SYNGR1: variants seen among roughly 807,000 people sequenced by gnomAD.
SYNGR1 encodes the protein synaptogyrin 1, also known as synaptogyrin-1.
Under a neutral mutation model 26.1 loss-of-function variants are expected in SYNGR1, and 14 were observed. The observed-to-expected ratio is 0.54, with a 90% CI of 0.35 to 0.84. The LOEUF is 0.84. Ranked by LOEUF, SYNGR1 falls within the 40% of genes least tolerant of loss-of-function variation. The probability of loss-of-function intolerance (pLI) is 0.01; values close to 1 mark genes in which losing one functional copy is unlikely to be tolerated. For missense variants in SYNGR1, 319 were observed against 332.9 expected (o/e 0.96, Z 0.33); for synonymous variants, 141 against 150.1 (o/e 0.94, Z 0.44).
chr22:39,380,393 G>A (rs898059023), intron 3 of SYNGR1, among the ~76,000 whole-genome samples: 7 of 152,024 alleles, frequency 4.6e-5, no homozygotes, highest in African/African-American at 1.2e-4. Context: ...AGAGGTCTTC[G>A]GTGACCCAGG....
chr22:39,351,250 C>T (rs1415052446), intron 1 of SYNGR1, among the ~76,000 whole-genome samples: 5 of 152,188 alleles, frequency 3.3e-5, no homozygotes, highest in African/African-American at 1.2e-4. Context: ...TACCCCAAGG[C>T]CAGCTGTGAC....
At position 39,384,137 on chromosome 22, in the gene SYNGR1, C is replaced by G. The variant is rs959939747; in HGVS notation, c.*2223C>G. On this transcript the variant is annotated 3_prime_UTR_variant, in exon 4 of 4. Coordinates refer to ENST00000328933, the MANE Select transcript of SYNGR1 (RefSeq NM_004711.5). Reference sequence around the variant, plus strand: ...TTTATGGCAGAGTGAAGTTCTGTGCCCACCACAAGAGGCTGTGAGATGTTC... The same window carrying G: ...TTTATGGCAGAGTGAAGTTCTGTGCGCACCACAAGAGGCTGTGAGATGTTC... 3 of 174,784 alleles carry G rather than the reference C, an allele frequency of 1.7e-5. No individual in the cohort carries two copies. The highest frequency in any genetic ancestry group is 3.6e-5 in the Non-Finnish European group (3 of 83,512). The allele number at this position is 174,784 out of a possible 1,614,324, so 10.8% of individuals were successfully genotyped here.
chr22:39,384,435 C>T lies in SYNGR1; in HGVS notation c.*2521C>T. The T allele has an allele frequency of 2.5e-6, 1 of 398,160 alleles. No homozygotes were observed. The highest frequency in any genetic ancestry group is 4.4e-6 in the Non-Finnish European group (1 of 226,060). 24.7% of individuals were successfully genotyped at this position (398,160 alleles called of 1,614,324 possible). On this transcript the variant is annotated 3_prime_UTR_variant, in exon 4 of 4. Transcript: ENST00000328933. ...TCCCTCACTCTTCCCGGGTTCAGCC[C>T]AGAAGCCCTTCCAGGCATGATCTTC...
Position 39,385,337 on chromosome 22 carries a change from A to C in SYNGR1, c.*3423A>C, listed in dbSNP as rs941404608. On this transcript the variant is annotated 3_prime_UTR_variant, in exon 4 of 4. Transcript: ENST00000328933. ...GTATAAATATATATATTTTCTATAT[A>C]TAAGATGTATAATATAAGGCTCCAC... is the stretch of plus-strand genomic sequence containing the variant. 1 of 160,618 alleles carries C rather than the reference A, an allele frequency of 6.2e-6. No individual in the cohort carries two copies. The allele number at this position is 160,618 out of a possible 1,614,324, so 9.9% of individuals were successfully genotyped here.
Position 39,382,724 on chromosome 22 carries a change from TGG to T in SYNGR1, c.*813_*814del, listed in dbSNP as rs1437987959. 6.5e-6 allele frequency: 1 copy of T among 152,854 alleles called. No homozygotes were observed. Among genetic ancestry groups the T allele is most frequent in the Non-Finnish European group, 1.5e-5 (1 of 68,546 alleles). The allele number at this position is 152,854 out of a possible 1,614,324, so 9.5% of individuals were successfully genotyped here. A position where few individuals can be genotyped will look rare whatever the true frequency, so the allele number is the denominator to read the frequency against. On this transcript the variant is annotated 3_prime_UTR_variant, in exon 4 of 4. Coordinates refer to ENST00000328933, the MANE Select transcript of SYNGR1 (RefSeq NM_004711.5). ...TCTGCCCCAGCTGTTCCTCCTCCCC[TGG>T]GGACAGCCCCACCTCCGGGTCCCTC...
chr22:39,377,186 G>A, intron 3 of SYNGR1: 1 of 1,448,928 alleles, frequency 6.9e-7, no homozygotes, highest in Non-Finnish European at 9.1e-7. Flanking sequence ...CTTCTGGTTT[G>A]CCCCGGGTTG....
chr22:39,375,924 G>C lies in SYNGR1; in HGVS notation c.338-128G>C, dbSNP rs140038376. 7.1e-6 allele frequency: 9 copies of C among 1,275,906 alleles called. No individual in the cohort carries two copies. In the African/African-American group the frequency reaches 1.2e-4, roughly 17 times the overall value. 79.0% of individuals were successfully genotyped at this position (1,275,906 alleles called of 1,614,324 possible). On this transcript the variant is annotated intron_variant, in intron 2 of 3. Coordinates refer to ENST00000328933, the MANE Select transcript of SYNGR1 (RefSeq NM_004711.5). ...CCTACCCCCTTTGCCTGTCCCTTTG[G>C]GGGTGGGGGAGCATGGGAGATGCAC...
At chr22:39,381,230 A>G (rs971005673) in intron 3 of SYNGR1, among the ~76,000 whole-genome samples, 1 of 152,208 alleles carries the variant, frequency 6.6e-6, no homozygotes, top group African/African-American at 2.4e-5. Context: ...GGTGGGACAG[A>G]GAACATGAGG....
At position 39,382,034 on chromosome 22, in the gene SYNGR1, G is replaced by A. The variant is rs927951074; in HGVS notation, c.*120G>A. ...ATCAGCCTCTGCCTTGTCCCACTGA[G>A]GTCCAGGGTAGCTCGGGGCAGGGGT... On this transcript the variant is annotated 3_prime_UTR_variant, in exon 4 of 4. Transcript: ENST00000328933. 3 of 1,162,434 alleles carry A rather than the reference G, an allele frequency of 2.6e-6. No individual in the cohort carries two copies. The African/African-American group carries it at 4.6e-5, about 18-fold the overall frequency. The allele number at this position is 1,162,434 out of a possible 1,614,324, so 72.0% of individuals were successfully genotyped here. A position where few individuals can be genotyped will look rare whatever the true frequency, so the allele number is the denominator to read the frequency against.
At position 39,360,133 on chromosome 22, in the gene SYNGR1, ATCT is replaced by A. The variant is rs112620165; in HGVS notation, c.99+10025_99+10027del. Among the ~76,000 whole-genome samples, 333 of 152,100 alleles carry A rather than the reference ATCT, an allele frequency of 2.2e-3. 2 individuals are homozygous for A. Among genetic ancestry groups the A allele is most frequent in the African/African-American group, 7.8e-3 (322 of 41,532 alleles). Reference sequence around the variant, plus strand: ...ACACCTGCCCCCCTCATCCTAGACTATCTCCCCTGTTCTGGTGGCCCAGGCCAG... The same window carrying A: ...ACACCTGCCCCCCTCATCCTAGACTACCCCTGTTCTGGTGGCCCAGGCCAG... On this transcript the variant is annotated intron_variant, in intron 1 of 3. Transcript: ENST00000328933.
At chr22:39,367,041 G>C (rs1924793542) in intron 1 of SYNGR1, among the ~76,000 whole-genome samples, 1 of 152,188 alleles carries the variant, frequency 6.6e-6, no homozygotes, top group African/African-American at 2.4e-5. Flanking sequence ...CCTGGGCTCG[G>C]GTCCCTCACT....
At chr22:39,360,872 C>T (rs915930239) in intron 1 of SYNGR1, among the ~76,000 whole-genome samples, 2 of 152,232 alleles carry the variant, frequency 1.3e-5, no homozygotes, top group African/African-American at 4.8e-5. Context: ...AGAGACGAGG[C>T]TGTCGCCCCT....
intron 1 of SYNGR1, among the ~76,000 whole-genome samples, chr22:39,358,487 A>C (rs902817520): frequency 1.3e-5 from 2 of 152,158 alleles, no homozygotes; most frequent in Non-Finnish European, 2.9e-5. Context: ...ATGAGCTGTA[A>C]CACTCACCGC....
At chr22:39,380,436 C>T (rs1342034887) in intron 3 of SYNGR1, among the ~76,000 whole-genome samples, 1 of 152,010 alleles carries the variant, frequency 6.6e-6, no homozygotes, top group Non-Finnish European at 1.5e-5. Flanking sequence ...CAGGGTCTCA[C>T]TCTGTTGCCC....
intron 1 of SYNGR1, among the ~76,000 whole-genome samples, chr22:39,360,256 G>A (rs552092763): frequency 6.6e-5 from 10 of 152,112 alleles, no homozygotes; most frequent in African/African-American, 2.2e-4. Context: ...CCTCAGTTTC[G>A]CCCTCTCTAC....
Position 39,382,007 on chromosome 22 carries a change from T to C in SYNGR1, c.*93T>C. ...TGCCCAGGCTGCCCTGCCCAGCGCC[T>C]CATCAGCCTCTGCCTTGTCCCACTG... On this transcript the variant is annotated 3_prime_UTR_variant, in exon 4 of 4. Coordinates refer to ENST00000328933, the MANE Select transcript of SYNGR1 (RefSeq NM_004711.5). 7.2e-7 allele frequency: 1 copy of C among 1,382,342 alleles called. No homozygotes were observed. The highest frequency in any genetic ancestry group is 9.9e-7 in the Non-Finnish European group (1 of 1,007,332). The allele number at this position is 1,382,342 out of a possible 1,614,324, so 85.6% of individuals were successfully genotyped here.
At chr22:39,356,817 C>T (rs1253704648) in intron 1 of SYNGR1, among the ~76,000 whole-genome samples, 6 of 152,166 alleles carry the variant, frequency 3.9e-5, no homozygotes, top group African/African-American at 1.4e-4. Flanking sequence ...GGCCCATGCT[C>T]TCCTGGCCTT....
chr22:39,368,945 C>T (rs1210773812), intron 1 of SYNGR1, among the ~76,000 whole-genome samples: 1 of 152,206 alleles, frequency 6.6e-6, no homozygotes, highest in African/African-American at 2.4e-5. Context: ...TGGGTACTTG[C>T]TCTAATTCTC....
chr22:39,377,943 G>C (rs1442919538), intron 3 of SYNGR1: 6 of 1,316,334 alleles, frequency 4.6e-6, no homozygotes, highest in Non-Finnish European at 4.9e-6. Context: ...AATTAGGTGG[G>C]GTCCTTGGCT....
Sources: allele counts gnomAD v4.1 joint callset (sites outside exome capture counted in the v4.1 genomes callset), GRCh38; gene constraint gnomAD v4.1.1; transcripts MANE v1.5; gene names NCBI Gene and HGNC (gene_info 2026-07-23, HGNC 2026-07-21).